AMZ2: variants seen among roughly 807,000 people sequenced by gnomAD.
AMZ2 encodes the protein archaemetzincin-2.
A neutral mutation model predicts 36.7 loss-of-function variants in AMZ2; 26 were observed. That is an observed-to-expected ratio of 0.71 (90% CI 0.52 to 0.98). The LOEUF (loss-of-function observed/expected upper bound fraction) is 0.98. Among genes scored for constraint, AMZ2 ranks in the 50% least tolerant of loss-of-function variants. AMZ2 has a pLI of 0.00. For synonymous variants in AMZ2, 144 were observed against 149.1 expected, an observed-to-expected ratio of 0.97 and a Z score of 0.25; for missense variants, 394 against 430.5, an observed-to-expected ratio of 0.92 and a Z score of 0.75.
At chr17:68,253,561 G>A (rs1186970468) in intron 4 of AMZ2, among the ~76,000 whole-genome samples, 2 of 152,256 alleles carry the variant, frequency 1.3e-5, no homozygotes, top group South Asian at 4.1e-4. Flanking sequence ...TCTTTGAAAA[G>A]GGGGTAGGGT....
intron 1 of AMZ2, among the ~76,000 whole-genome samples, chr17:68,234,731 T>C (rs2073746776): frequency 1.3e-5 from 2 of 151,290 alleles, no homozygotes; most frequent in African/African-American, 2.4e-5. Flanking sequence ...GATGGTGCCA[T>C]TGCACTTCAC....
intron 1 of AMZ2, among the ~76,000 whole-genome samples, chr17:68,220,656 C>T (rs1442700492): frequency 6.6e-6 from 1 of 152,136 alleles, no homozygotes; most frequent in South Asian, 2.1e-4. Flanking sequence ...GGAGAAGACA[C>T]AGGTGCATAA....
chr17:68,239,442 A>G (rs183531324), intron 1 of AMZ2, among the ~76,000 whole-genome samples: 1 of 152,346 alleles, frequency 6.6e-6, no homozygotes. Flanking sequence ...AAAGGAGCAG[A>G]TATGAATTCA....
At position 68,250,244 on chromosome 17, in the gene AMZ2, C is replaced by T. The variant is rs1555738460; in HGVS notation, c.57C>T (p.Asn19=). ...QTLKTALISK[N]PVLVSQYEKL... is the part of the protein sequence containing the mutation. ...TAAAAACAGCTCTCATCTCAAAGAA[C>T]CCAGTGCTTGTATCACAGTATGAGA... is the stretch of plus-strand genomic sequence containing the variant. The change falls in exon 2 of 7, where the codon AAC becomes AAT. Residue 19 remains asparagine (N), a synonymous_variant. Transcript: ENST00000359904. 1.9e-6 allele frequency: 3 copies of T among 1,614,166 alleles called. No homozygotes were observed. The highest frequency in any genetic ancestry group is 2.5e-6 in the Non-Finnish European group (3 of 1,180,036).
At chr17:68,244,140 G>C (rs1451930420), upstream of AMZ2, among the ~76,000 whole-genome samples, 3 of 152,188 alleles carry the variant, frequency 2.0e-5, no homozygotes, top group African/African-American at 7.2e-5. Flanking sequence ...TGGAAGGCTA[G>C]AATGAATGAA....
intron 1 of AMZ2, among the ~76,000 whole-genome samples, chr17:68,213,671 A>G (rs1555726595): frequency 6.6e-6 from 1 of 152,076 alleles, no homozygotes. Context: ...CAATCTGGCA[A>G]TTGTGTTTGA....
intron 1 of AMZ2, among the ~76,000 whole-genome samples, chr17:68,223,453 G>A (rs538167183): frequency 6.6e-6 from 1 of 152,326 alleles, no homozygotes; most frequent in East Asian, 1.9e-4. Context: ...AACAGTACAA[G>A]AGATCCAAAC....
intron 1 of AMZ2, among the ~76,000 whole-genome samples, chr17:68,222,585 G>A (rs1555728833): frequency 6.6e-6 from 1 of 152,188 alleles, no homozygotes; most frequent in Non-Finnish European, 1.5e-5. Context: ...ATCAGTGGGA[G>A]CAGTGAGCTT....
At position 68,216,280 on chromosome 17, in the gene AMZ2, T is replaced by C. The variant is rs189163933; in HGVS notation, c.-67+10042T>C. On this transcript the variant is annotated intron_variant, in intron 1 of 7. Coordinates refer to the AMZ2 transcript ENST00000674770. ...CCCCTAGGAGCTGGGACTACAGGCATGTGCCACCACGCCCAGCTGATTTTT... is the reference window on the plus strand; with the variant it reads ...CCCCTAGGAGCTGGGACTACAGGCACGTGCCACCACGCCCAGCTGATTTTT... 5.5e-3 allele frequency among the ~76,000 whole-genome samples: 831 copies of C among 152,220 alleles called. 9 individuals are homozygous for C. Among genetic ancestry groups the C allele is most frequent in the African/African-American group, 0.019 (800 of 41,528 alleles).
upstream of AMZ2, among the ~76,000 whole-genome samples, chr17:68,243,062 A>T (rs1201776690): frequency 4.6e-5 from 7 of 151,402 alleles, no homozygotes; most frequent in African/African-American, 1.7e-4. Flanking sequence ...AAAAAAAAAA[A>T]TTACAATGTG....
rs566564813 is a variant in AMZ2, at chr17:68,206,381, T to G, written c.-67+143T>G. The G allele has an allele frequency of 1.2e-4, 104 of 854,742 alleles. No homozygotes were observed. In the African/African-American group the frequency reaches 1.9e-3, roughly 16 times the overall value. The allele number at this position is 854,742 out of a possible 1,614,324, so 52.9% of individuals were successfully genotyped here. ...AACAGAGGGGAAATGCGAGGGCACA[T>G]CAAGTGGCAAAAAACTAGATTTACA... On this transcript the variant is annotated intron_variant, in intron 1 of 7. Transcript: ENST00000674770.
intron 4 of AMZ2, among the ~76,000 whole-genome samples, chr17:68,252,680 T>C (rs1555740478): frequency 6.6e-6 from 1 of 151,904 alleles, no homozygotes; most frequent in Non-Finnish European, 1.5e-5. Context: ...TTTTATTTTA[T>C]TTTTGGCCAG....
In AMZ2 at chr17:68,248,070, C is replaced by T; in HGVS notation, c.-636C>T. On this transcript the variant is annotated 5_prime_UTR_variant, in exon 1 of 7. Transcript: ENST00000359904. ...TGCGAAGGGACGCGGTGCGCATGCG[C>T]GTGAGGGCTGCCGCGGGTGGGTGGT... 1.0e-6 allele frequency: 1 copy of T among 986,148 alleles called. No homozygotes were observed. The highest frequency in any genetic ancestry group is 1.2e-6 in the Non-Finnish European group (1 of 830,466). 61.1% of individuals were successfully genotyped at this position (986,148 alleles called of 1,614,324 possible).
chr17:68,209,304 C>T (rs1479559396), intron 1 of AMZ2, among the ~76,000 whole-genome samples: 1 of 151,642 alleles, frequency 6.6e-6, no homozygotes, highest in African/African-American at 2.4e-5. Flanking sequence ...AGCGATTCTC[C>T]TGCCTCAGCC....
In AMZ2 at chr17:68,251,053, A is replaced by G; in HGVS notation, c.461A>G (p.Asp154Gly). 6.2e-7 allele frequency: 1 copy of G among 1,609,124 alleles called. No homozygotes were observed. Among genetic ancestry groups the G allele is most frequent in the East Asian group, 2.2e-5 (1 of 44,854 alleles). Residue 154 changes from aspartate (D) to glycine (G), a missense_variant, in exon 4 of 7, where the codon GAC becomes GGC. Coordinates refer to ENST00000359904, the MANE Select transcript of AMZ2 (RefSeq NM_016627.5). Reference protein sequence around the residue: ...NTHNLQIHAGDILKFLKKKKP... With the variant: ...NTHNLQIHAGGILKFLKKKKP... ...TTATGTATTTCTTTTTAAATAGGGG[A>G]CATCCTGAAGTTCTTGAAAAAGAAG...
intron 1 of AMZ2, among the ~76,000 whole-genome samples, chr17:68,219,606 A>G (rs1293929781): frequency 6.6e-6 from 1 of 151,892 alleles, no homozygotes; most frequent in East Asian, 1.9e-4. Context: ...GTCATAGGCC[A>G]CTTTCGCTTT....
chr17:68,215,709 C>T (rs2073178480), intron 1 of AMZ2, among the ~76,000 whole-genome samples: 1 of 140,808 alleles, frequency 7.1e-6, no homozygotes, highest in Non-Finnish European at 1.6e-5. Flanking sequence ...TTGAAAGGAG[C>T]TCATAGTCAT....
At chr17:68,230,069 T>C (rs1447398629) in intron 1 of AMZ2, among the ~76,000 whole-genome samples, 6 of 151,924 alleles carry the variant, frequency 3.9e-5, no homozygotes, top group Non-Finnish European at 7.4e-5. Flanking sequence ...GTTTTTTTTG[T>C]TTTGTTTTGT....
At chr17:68,227,168 C>T (rs2073536664) in intron 1 of AMZ2, among the ~76,000 whole-genome samples, 1 of 152,158 alleles carries the variant, frequency 6.6e-6, no homozygotes, top group Non-Finnish European at 1.5e-5. Flanking sequence ...ACTGGTGTCA[C>T]ACCCATCTCA....
Sources: gnomAD v4.1 joint callset for allele counts (sites outside exome capture counted in the v4.1 genomes callset) on GRCh38, gnomAD v4.1.1 for gene constraint, MANE v1.5 for transcripts, NCBI Gene and HGNC (gene_info 2026-07-23, HGNC 2026-07-21) for gene names.